The following NDUFS5 variants were observed in gnomAD, a reference collection of about 807,000 sequenced individuals.
NDUFS5 encodes the protein NADH:ubiquinone oxidoreductase subunit S5.
Under a neutral mutation model 10.5 loss-of-function variants are expected in NDUFS5, and 7 were observed. That is an observed-to-expected ratio of 0.66 (90% CI 0.38 to 1.25). The LOEUF (loss-of-function observed/expected upper bound fraction) is 1.25, where lower values mean the gene tolerates loss of function less well. Ranked by LOEUF, NDUFS5 falls within the 50% of genes most tolerant of loss-of-function variation. The pLI, the probability that NDUFS5 is intolerant of heterozygous loss-of-function variation, is 0.02. For missense variants in NDUFS5, 148 were observed against 140.7 expected (o/e 1.05, Z -0.26); for synonymous variants, 38 against 44.0 (o/e 0.86, Z 0.54).
intron 2 of NDUFS5, among the ~76,000 whole-genome samples, chr1:39,033,258 G>A (rs1644202409): frequency 6.6e-6 from 1 of 152,056 alleles, no homozygotes; most frequent in Non-Finnish European, 1.5e-5. Flanking sequence ...GTCACCAGCA[G>A]CAGTGCCACT....
chr1:39,033,714 C>T (rs1644208388), intron 2 of NDUFS5, among the ~76,000 whole-genome samples: 1 of 151,624 alleles, frequency 6.6e-6, no homozygotes, highest in Non-Finnish European at 1.5e-5. Flanking sequence ...ATTGGCCAGG[C>T]TGGTCTTGAA....
chr1:39,027,269 G>C (rs549818552), intron 1 of NDUFS5, among the ~76,000 whole-genome samples: 1 of 151,914 alleles, frequency 6.6e-6, no homozygotes, highest in South Asian at 2.1e-4. Flanking sequence ...AGAGGGTTTC[G>C]CCATGTTGGT....
intron 1 of NDUFS5, among the ~76,000 whole-genome samples, 185 bp downstream of exon 1, chr1:39,026,587 G>A (rs190067446): frequency 6.6e-6 from 1 of 152,284 alleles, no homozygotes; most frequent in East Asian, 1.9e-4. Context: ...GGAGATTGCC[G>A]CTCTCTCCAC....
chr1:39,031,191 T>C (rs1281815861), intron 2 of NDUFS5, among the ~76,000 whole-genome samples: 1 of 152,006 alleles, frequency 6.6e-6, no homozygotes, highest in Non-Finnish European at 1.5e-5. Flanking sequence ...TTTATTTATA[T>C]AAAATAGAAA....
intron 2 of NDUFS5, among the ~76,000 whole-genome samples, chr1:39,032,765 A>G (rs2148084402): frequency 6.6e-6 from 1 of 152,304 alleles, no homozygotes; most frequent in Middle Eastern, 3.4e-3. Context: ...TTAAATAGTC[A>G]GAGAAGATCT....
intron 2 of NDUFS5, among the ~76,000 whole-genome samples, chr1:39,029,821 G>T (rs566807443): frequency 1.3e-5 from 2 of 152,142 alleles, no homozygotes; most frequent in Admixed American, 6.5e-5. Context: ...GGCCAGGCAC[G>T]GTGGCTCACG....
chr1:39,027,029 G>A (rs1249469350), intron 1 of NDUFS5, among the ~76,000 whole-genome samples: 2 of 152,212 alleles, frequency 1.3e-5, no homozygotes, highest in Non-Finnish European at 2.9e-5. Flanking sequence ...TAACTACTCA[G>A]TAAATGATGA....
At chr1:39,026,761 C>T (rs889554030) in intron 1 of NDUFS5, among the ~76,000 whole-genome samples, 1 of 152,246 alleles carries the variant, frequency 6.6e-6, no homozygotes, top group South Asian at 2.1e-4. Context: ...CGCTGCGCTC[C>T]ATTGTCCCCC....
At chr1:39,031,251 C>T (rs1489015956) in intron 2 of NDUFS5, among the ~76,000 whole-genome samples, 3 of 151,914 alleles carry the variant, frequency 2.0e-5, no homozygotes, top group Admixed American at 2.0e-4. Context: ...TGGGCTCAAG[C>T]GATCCCACAT....
At chr1:39,034,353 A>G (rs1426525518) in intron 2 of NDUFS5, 39 bp from the exon 3 acceptor site, 1 of 1,598,466 alleles carries the variant, frequency 6.3e-7, no homozygotes, top group Non-Finnish European at 8.6e-7. Flanking sequence ...TTTGGCACAT[A>G]TCTCCTCCCT....
intron 2 of NDUFS5, among the ~76,000 whole-genome samples, chr1:39,033,151 GGT>G (rs1166151529): frequency 6.6e-6 from 1 of 152,144 alleles, no homozygotes; most frequent in African/African-American, 2.4e-5. Context: ...AAGACTCAGC[GGT>G]GACTAGTGGC....
chr1:39,034,435 TAAAG>T lies in NDUFS5; in HGVS notation c.261_264del (p.Ile87MetfsTer25), dbSNP rs1426202102. 2.5e-6 allele frequency: 4 copies of T among 1,613,594 alleles called. No individual in the cohort carries two copies. The highest frequency in any genetic ancestry group is 2.7e-5 in the African/African-American group (2 of 74,880). Reference sequence around the variant, plus strand: ...ATCAGGAAGCAGCGGGATAAGCTGATAAAGGAAGGAAAGTACACCCCTCCACCTC... The same window carrying T: ...ATCAGGAAGCAGCGGGATAAGCTGATGAAGGAAAGTACACCCCTCCACCTC... On this transcript the variant is annotated frameshift_variant, in exon 3 of 3. Transcript: ENST00000372969. LOFTEE classifies it high-confidence loss of function.
intron 2 of NDUFS5, 69 bp from the exon 3 acceptor site, chr1:39,034,323 T>C: frequency 6.8e-7 from 1 of 1,476,878 alleles, no homozygotes; most frequent in Non-Finnish European, 9.4e-7. Flanking sequence ...AAAATTGATC[T>C]GTTTTTCCAG....
intron 2 of NDUFS5, among the ~76,000 whole-genome samples, chr1:39,032,486 T>C (rs926287363): frequency 6.6e-6 from 1 of 152,176 alleles, no homozygotes; most frequent in Non-Finnish European, 1.5e-5. Flanking sequence ...TTAAGGTTAA[T>C]GAGACGTTTA....
At chr1:39,028,985 T>A in intron 2 of NDUFS5, 45 bp downstream of exon 2, 1 of 1,525,906 alleles carries the variant, frequency 6.6e-7, no homozygotes, top group Non-Finnish European at 8.8e-7. Context: ...TTCTTGTTCC[T>A]TTGGGACTCT....
At chr1:39,033,254 A>G (rs1489931980) in intron 2 of NDUFS5, among the ~76,000 whole-genome samples, 1 of 152,050 alleles carries the variant, frequency 6.6e-6, no homozygotes, top group African/African-American at 2.4e-5. Context: ...CATAGTCACC[A>G]GCAGCAGTGC....
chr1:39,029,633 C>A (rs1238036332), intron 2 of NDUFS5, among the ~76,000 whole-genome samples: 1 of 152,158 alleles, frequency 6.6e-6, no homozygotes, highest in Non-Finnish European at 1.5e-5. Context: ...TCCATTGAAT[C>A]CTCATTGGAA....
chr1:39,029,666 C>T (rs556283081), intron 2 of NDUFS5, among the ~76,000 whole-genome samples: 3 of 152,162 alleles, frequency 2.0e-5, no homozygotes, highest in Non-Finnish European at 4.4e-5. Context: ...CTTGCAAATC[C>T]ATTACATTCA....
At chr1:39,032,650 A>G (rs57575779) in intron 2 of NDUFS5, among the ~76,000 whole-genome samples, 17,299 of 152,102 alleles carry the variant, frequency 0.11, 1,225 homozygotes, top group Non-Finnish European at 0.16. Flanking sequence ...AGTGGGAGGA[A>G]GAGCAGAAAA....
Sources: allele counts gnomAD v4.1 joint callset (sites outside exome capture counted in the v4.1 genomes callset), GRCh38; gene constraint gnomAD v4.1.1; transcripts MANE v1.5; gene names NCBI Gene and HGNC (gene_info 2026-07-23, HGNC 2026-07-21).